Variants in SATB2 observed in about 807,000 individuals in gnomAD.
The protein encoded by SATB2 is DNA-binding protein SATB2.
A neutral mutation model predicts 73.4 loss-of-function variants in SATB2; 1 was observed. The ratio of observed to expected loss-of-function variants is 0.01; its 90% confidence interval spans 0.00 to 0.06. The LOEUF (loss-of-function observed/expected upper bound fraction) is 0.06, where lower values mean the gene tolerates loss of function less well. Ranked by LOEUF, SATB2 falls within the 10% of genes least tolerant of loss-of-function variation. SATB2 has a pLI of 1.00. For synonymous variants in SATB2, 397 were observed against 367.0 expected (o/e 1.08, Z -0.93); for missense variants, 459 against 945.8 (o/e 0.49, Z 6.75).
At chr2:199,373,522 T>C (rs759855587) in intron 5 of SATB2, among the ~76,000 whole-genome samples, 1 of 152,114 alleles carries the variant, frequency 6.6e-6, no homozygotes, top group Non-Finnish European at 1.5e-5. Flanking sequence ...AAACACTACA[T>C]TTGAGAGCTC....
At chr2:199,309,132 G>A (rs1687523542) in intron 9 of SATB2, among the ~76,000 whole-genome samples, 175 bp from the exon 10 acceptor site, 1 of 152,190 alleles carries the variant, frequency 6.6e-6, no homozygotes, top group South Asian at 2.1e-4. Context: ...CCACATAGGT[G>A]GTTATACCAA....
rs1165419254 is a variant in SATB2, at chr2:199,400,988, A to G, written c.347-19168T>C. ...AAGGAGGTCCAGGGATGTAGGCCTG[A>G]CTCAACTAATTCAATCAGGTGTATT... On this transcript the variant is annotated intron_variant, in intron 3 of 10. Coordinates refer to ENST00000417098, the MANE Select transcript of SATB2 (RefSeq NM_001172509.2). 2.0e-5 allele frequency among the ~76,000 whole-genome samples: 3 copies of G among 152,178 alleles called. No individual in the cohort carries two copies. In the East Asian group the frequency reaches 5.8e-4, roughly 29 times the overall value.
intron 7 of SATB2, among the ~76,000 whole-genome samples, chr2:199,331,774 CA>C (rs1163597752): frequency 1.3e-5 from 2 of 152,164 alleles, no homozygotes; most frequent in Admixed American, 6.6e-5. Flanking sequence ...AGAAAAAAAT[CA>C]GAAGAAAATA....
chr2:199,395,698 T>C (rs535161344), intron 3 of SATB2: 1 of 152,366 alleles, frequency 6.6e-6, no homozygotes, highest in African/African-American at 2.4e-5. Flanking sequence ...TTAACTGATT[T>C]GTACTTTGCC....
intron 7 of SATB2, among the ~76,000 whole-genome samples, chr2:199,346,427 C>T (rs560006442): frequency 3.9e-5 from 6 of 152,224 alleles, no homozygotes; most frequent in African/African-American, 1.4e-4. Context: ...GGATTATAGG[C>T]GTGAGCCACC....
At chr2:199,300,479 T>C (rs1687251509) in intron 10 of SATB2, among the ~76,000 whole-genome samples, 1 of 152,038 alleles carries the variant, frequency 6.6e-6, no homozygotes, top group Non-Finnish European at 1.5e-5. Flanking sequence ...AAGGAGTACT[T>C]TGCTATCCCA....
intron 10 of SATB2, among the ~76,000 whole-genome samples, chr2:199,286,603 C>A (rs1009184191): frequency 6.6e-6 from 1 of 152,298 alleles, no homozygotes; most frequent in African/African-American, 2.4e-5. Context: ...CCACCCACCA[C>A]ACGCTCACTT....
chr2:199,408,147 C>T (rs780680204), intron 3 of SATB2, among the ~76,000 whole-genome samples: 1 of 152,098 alleles, frequency 6.6e-6, no homozygotes, highest in Non-Finnish European at 1.5e-5. Context: ...TGAGTACTAT[C>T]GTGGGCCCCG....
At chr2:199,370,652 C>T (rs1348374783) in intron 5 of SATB2, among the ~76,000 whole-genome samples, 1 of 152,124 alleles carries the variant, frequency 6.6e-6, no homozygotes, top group East Asian at 1.9e-4. Context: ...CAGACGACTG[C>T]ATCATTTTGG....
intron 10 of SATB2, among the ~76,000 whole-genome samples, chr2:199,274,131 T>C (rs1692241558): frequency 6.6e-6 from 1 of 152,222 alleles, no homozygotes; most frequent in Non-Finnish European, 1.5e-5. Flanking sequence ...CAATTCTCCT[T>C]TTACTATTCT....
intron 2 of SATB2, among the ~76,000 whole-genome samples, chr2:199,437,752 T>C (rs965841760): frequency 1.3e-5 from 2 of 152,244 alleles, no homozygotes; most frequent in Non-Finnish European, 2.9e-5. Context: ...GGAATCTATT[T>C]GTTTTCCTTT....
intron 3 of SATB2, among the ~76,000 whole-genome samples, chr2:199,397,222 C>T (rs1284344559): frequency 1.3e-5 from 2 of 152,184 alleles, no homozygotes; most frequent in Non-Finnish European, 2.9e-5. Flanking sequence ...AAGGCTGCAG[C>T]TAGCAGAGAC....
At chr2:199,438,753 C>T (rs1044743003) in intron 2 of SATB2, among the ~76,000 whole-genome samples, 3 of 152,236 alleles carry the variant, frequency 2.0e-5, no homozygotes, top group Admixed American at 1.3e-4. Context: ...CTTTGCACTG[C>T]ACTTCCTAGA....
intron 10 of SATB2, among the ~76,000 whole-genome samples, chr2:199,279,288 G>A (rs1338844505): frequency 6.6e-6 from 1 of 152,124 alleles, no homozygotes; most frequent in African/African-American, 2.4e-5. Context: ...AGACCTAATG[G>A]TACCATGACC....
intron 10 of SATB2, among the ~76,000 whole-genome samples, chr2:199,293,500 A>C (rs1692933692): frequency 6.6e-6 from 1 of 152,136 alleles, no homozygotes; most frequent in South Asian, 2.1e-4. Flanking sequence ...CCACAGAACA[A>C]ACCTATTATT....
intron 2 of SATB2, among the ~76,000 whole-genome samples, chr2:199,452,235 G>A (rs1432670450): frequency 6.6e-6 from 1 of 152,114 alleles, no homozygotes; most frequent in Non-Finnish European, 1.5e-5. Flanking sequence ...AAATAAAGCT[G>A]TCTGAAAGTT....
intron 3 of SATB2, among the ~76,000 whole-genome samples, chr2:199,382,604 A>G (rs1034603037): frequency 3.3e-5 from 5 of 152,230 alleles, no homozygotes; most frequent in Non-Finnish European, 5.9e-5. Flanking sequence ...AGGAAGATTC[A>G]TGGGATGGTT....
intron 3 of SATB2, among the ~76,000 whole-genome samples, chr2:199,422,058 T>G (rs1488013098): frequency 6.6e-6 from 1 of 152,218 alleles, no homozygotes; most frequent in Non-Finnish European, 1.5e-5. Flanking sequence ...GTTTCTCATT[T>G]GATTTGAAAA....
At chr2:199,370,735 C>G (rs1234202941) in intron 5 of SATB2, among the ~76,000 whole-genome samples, 1 of 152,006 alleles carries the variant, frequency 6.6e-6, no homozygotes, top group Non-Finnish European at 1.5e-5. Flanking sequence ...TTCAATTGAC[C>G]CTGCACAAGG....
Sources: gnomAD v4.1 joint callset for allele counts (sites outside exome capture counted in the v4.1 genomes callset) on GRCh38, gnomAD v4.1.1 for gene constraint, MANE v1.5 for transcripts, NCBI Gene and HGNC (gene_info 2026-07-23, HGNC 2026-07-21) for gene names.